COL4A3: variants seen among roughly 807,000 people sequenced by gnomAD.
COL4A3 encodes the protein collagen alpha-3(IV) chain.
Under a neutral mutation model 217.4 loss-of-function variants are expected in COL4A3, and 135 were observed. The observed-to-expected ratio is 0.62, with a 90% CI of 0.54 to 0.72. The LOEUF (loss-of-function observed/expected upper bound fraction) is 0.72, where lower values mean the gene tolerates loss of function less well. Ranked by LOEUF, COL4A3 falls within the 30% of genes least tolerant of loss-of-function variation. The pLI is 0.00. For missense variants in COL4A3, 1,868 were observed against 2,119.9 expected (o/e 0.88, Z 2.33); for synonymous variants, 690 against 736.3 (o/e 0.94, Z 1.02).
Position 227,314,259 on chromosome 2 carries a change from T to A in COL4A3, c.*2389T>A, listed in dbSNP as rs1252520473. ...TTTAACTTCTGAGGAAGACAAGTGA[T>A]GCTAAAACCTGAAATTCCAATGAAG... On this transcript the variant is annotated 3_prime_UTR_variant, in exon 52 of 52. Transcript: ENST00000396578. The A allele has an allele frequency of 6.6e-6, 1 of 152,666 alleles. No homozygotes were observed. Among genetic ancestry groups the A allele is most frequent in the Non-Finnish European group, 1.5e-5 (1 of 68,048 alleles). 9.5% of individuals were successfully genotyped at this position (152,666 alleles called of 1,614,324 possible).
chr2:227,266,346 C>G, intron 21 of COL4A3, 71 bp from the exon 22 acceptor site: 1 of 1,110,840 alleles, frequency 9.0e-7, no homozygotes, highest in Non-Finnish European at 1.4e-6. Context: ...TTAAATAATA[C>G]ATATATTACA....
rs1050780079 is a variant in COL4A3, at chr2:227,290,191, T to G, written c.3070+103T>G. On this transcript the variant is annotated intron_variant, in intron 36 of 51. Coordinates refer to ENST00000396578, the MANE Select transcript of COL4A3 (RefSeq NM_000091.5). ...TTTGGTTTTCCACTTGGTAGAAAGCTTATATTAAAAAACTAGATTTGCGGG... is the reference window on the plus strand; with the variant it reads ...TTTGGTTTTCCACTTGGTAGAAAGCGTATATTAAAAAACTAGATTTGCGGG... The G allele has an allele frequency of 4.3e-6, 5 of 1,154,158 alleles. No homozygotes were observed. The African/African-American group carries it at 4.6e-5, about 11-fold the overall frequency. 71.5% of individuals were successfully genotyped at this position (1,154,158 alleles called of 1,614,324 possible). A position where few individuals can be genotyped will look rare whatever the true frequency, so the allele number is the denominator to read the frequency against.
chr2:227,274,062 C>A (rs1001696375), intron 26 of COL4A3, among the ~76,000 whole-genome samples: 3 of 151,894 alleles, frequency 2.0e-5, no homozygotes, highest in Non-Finnish European at 2.9e-5. Context: ...CATAGCGAAC[C>A]CCCATCTCTA....
At chr2:227,192,390 C>T (rs2066276368) in intron 1 of COL4A3, among the ~76,000 whole-genome samples, 1 of 152,234 alleles carries the variant, frequency 6.6e-6, no homozygotes, top group South Asian at 2.1e-4. Context: ...TCATATTTGA[C>T]TTGCTCATTT....
rs181373749 is a variant in COL4A3, at chr2:227,173,500, C to T, written c.87+8687C>T. 3.1e-3 allele frequency among the ~76,000 whole-genome samples: 477 copies of T among 152,206 alleles called. 3 individuals are homozygous for T. The highest frequency in any genetic ancestry group is 9.6e-3 in the African/African-American group (398 of 41,520). On this transcript the variant is annotated intron_variant, in intron 1 of 51. Coordinates refer to ENST00000396578, the MANE Select transcript of COL4A3 (RefSeq NM_000091.5). ...TCATGTAAATGCTAATTAGGGCCTC[C>T]GATTTCAGGTCCATTTCCTAACCGA...
In COL4A3 at chr2:227,251,382, G is replaced by T; in HGVS notation, c.645+11G>T. Reference sequence around the variant, plus strand: ...CCTAGAGGACCTAAGGTAGACTACAGTTCATATGATGTAACAGCTAGCACA... The same window carrying T: ...CCTAGAGGACCTAAGGTAGACTACATTTCATATGATGTAACAGCTAGCACA... On this transcript the variant is annotated intron_variant, in intron 11 of 51. Coordinates refer to ENST00000396578, the MANE Select transcript of COL4A3 (RefSeq NM_000091.5). 6.2e-7 allele frequency: 1 copy of T among 1,611,984 alleles called. No individual in the cohort carries two copies. Among genetic ancestry groups the T allele is most frequent in the Non-Finnish European group, 8.5e-7 (1 of 1,179,450 alleles).
At chr2:227,256,705 T>C (rs2125943323) in intron 17 of COL4A3, among the ~76,000 whole-genome samples, 1 of 152,314 alleles carries the variant, frequency 6.6e-6, no homozygotes, top group East Asian at 1.9e-4. Flanking sequence ...TTGTGGTTAT[T>C]TGAGATCAAG....
At chr2:227,209,692 A>G (rs1046492659) in intron 1 of COL4A3, among the ~76,000 whole-genome samples, 3 of 152,166 alleles carry the variant, frequency 2.0e-5, no homozygotes, top group Non-Finnish European at 2.9e-5. Context: ...ATACAAAAAA[A>G]TTAGCTGGGT....
chr2:227,178,568 C>T (rs2065767827), intron 1 of COL4A3, among the ~76,000 whole-genome samples: 2 of 151,854 alleles, frequency 1.3e-5, no homozygotes, highest in African/African-American at 4.8e-5. Flanking sequence ...AGAGTCACTC[C>T]ATTGCCCAGG....
chr2:227,299,517 G>A (rs924643822), intron 43 of COL4A3, among the ~76,000 whole-genome samples: 4 of 152,142 alleles, frequency 2.6e-5, no homozygotes, highest in Admixed American at 2.0e-4. Flanking sequence ...AGGACATGTG[G>A]GGATTATAGG....
At chr2:227,301,560 A>T (rs906676997) in intron 43 of COL4A3, among the ~76,000 whole-genome samples, 3 of 152,228 alleles carry the variant, frequency 2.0e-5, no homozygotes, top group African/African-American at 7.2e-5. Flanking sequence ...AAAGTTGCCA[A>T]TTTGATCCAT....
rs199755408 is a variant in COL4A3 at position 227,307,902 on chromosome 2, C to G, written c.4445C>G (p.Ala1482Gly). 1 of 1,614,018 alleles carries G rather than the reference C, an allele frequency of 6.2e-7. No homozygotes were observed. The highest frequency in any genetic ancestry group is 8.5e-7 in the Non-Finnish European group (1 of 1,179,956). Residue 1482 changes from alanine to glycine, a missense_variant, in exon 48 of 52, where the codon GCC (alanine) becomes GGC (glycine). By Grantham distance (60) the Ala-to-Gly change is moderately conservative. This residue lies in a region of COL4A3 where 1,503 missense variants were observed against 1,786.1 expected (regional missense o/e 0.84). Transcript: ENST00000396578. ...CTTTTTGTACAAGGAAATCAACGAG[C>G]CCACGGACAAGACCTTGGTAATGTC... Reference protein sequence around the residue: ...SFLFVQGNQRAHGQDLGTLGS... With the variant: ...SFLFVQGNQRGHGQDLGTLGS...
intron 21 of COL4A3, among the ~76,000 whole-genome samples, chr2:227,264,351 G>A (rs768626293): frequency 4.6e-5 from 7 of 151,860 alleles, no homozygotes; most frequent in South Asian, 2.1e-4. Flanking sequence ...GAGAGGAGCC[G>A]CCCCCCACCT....
intron 1 of COL4A3, chr2:227,220,938 A>G (rs531827862): frequency 6.6e-6 from 1 of 152,360 alleles, no homozygotes; most frequent in Non-Finnish European, 1.5e-5. Flanking sequence ...TTTATGTGTC[A>G]GTGGAGAGTC....
chr2:227,248,027 C>T (rs1322108016), intron 8 of COL4A3, among the ~76,000 whole-genome samples: 1 of 152,206 alleles, frequency 6.6e-6, no homozygotes, highest in African/African-American at 2.4e-5. Flanking sequence ...GCAACCTCCA[C>T]CTCCTGGGCT....
intron 47 of COL4A3, 121 bp from the exon 48 acceptor site, chr2:227,307,589 C>T: frequency 1.2e-6 from 1 of 850,278 alleles, no homozygotes; most frequent in Non-Finnish European, 1.9e-6. Context: ...AGCCACTCTT[C>T]TCTAGGATTG....
At chr2:227,288,357 A>T (rs2072469665) in intron 34 of COL4A3, among the ~76,000 whole-genome samples, 1 of 152,216 alleles carries the variant, frequency 6.6e-6, no homozygotes, top group Non-Finnish European at 1.5e-5. Context: ...TCAGCCTCCC[A>T]AAGTGCTGGG....
At chr2:227,304,302 A>G (rs1462506810) in intron 46 of COL4A3, 158 bp downstream of exon 46, 2 of 895,336 alleles carry the variant, frequency 2.2e-6, no homozygotes, top group African/African-American at 1.7e-5. Flanking sequence ...TTTACCCTTG[A>G]CCAGCAAATA....
intron 1 of COL4A3, among the ~76,000 whole-genome samples, chr2:227,179,047 G>C (rs909753233): frequency 6.6e-6 from 1 of 152,068 alleles, no homozygotes; most frequent in Non-Finnish European, 1.5e-5. Context: ...AACCTCCCAG[G>C]CTCAAGCAAT....
Sources: allele counts gnomAD v4.1 joint callset (sites outside exome capture counted in the v4.1 genomes callset), GRCh38; gene constraint gnomAD v4.1.1; regional missense constraint gnomAD v4.1.1; transcripts MANE v1.5; gene names NCBI Gene and HGNC (gene_info 2026-07-23, HGNC 2026-07-21).